Variants in TMEM163 observed in about 807,000 individuals in gnomAD.
TMEM163 encodes the protein transmembrane protein 163.
A neutral mutation model predicts 29.3 loss-of-function variants in TMEM163; 17 were observed. That is an observed-to-expected ratio of 0.58 (90% CI 0.40 to 0.87). The LOEUF is 0.87. Ranked by LOEUF, TMEM163 falls within the 40% of genes least tolerant of loss-of-function variation. The pLI, the probability that TMEM163 is intolerant of heterozygous loss-of-function variation, is 0.00. For missense variants in TMEM163, 303 were observed against 381.5 expected (o/e 0.79, Z 1.71); for synonymous variants, 157 against 160.6 (o/e 0.98, Z 0.17).
At chr2:134,687,781 A>G (rs1684379919) in intron 2 of TMEM163, among the ~76,000 whole-genome samples, 3 of 152,196 alleles carry the variant, frequency 2.0e-5, no homozygotes, top group Admixed American at 2.0e-4. Context: ...TTATCAACCA[A>G]TAATGTAATG....
At chr2:134,674,347 T>TTTA (rs1322226584) in intron 2 of TMEM163, among the ~76,000 whole-genome samples, 1 of 146,770 alleles carries the variant, frequency 6.8e-6, no homozygotes, top group African/African-American at 2.5e-5. Context: ...TTAATTTTTT[T>TTTA]TTTTTTTTTT....
intron 2 of TMEM163, among the ~76,000 whole-genome samples, chr2:134,614,003 A>G (rs1474157816): frequency 1.3e-5 from 2 of 152,146 alleles, no homozygotes; most frequent in Non-Finnish European, 2.9e-5. Context: ...TGAAAGGAAA[A>G]TGTCCCAATA....
intron 2 of TMEM163, among the ~76,000 whole-genome samples, chr2:134,709,402 T>C (rs374748134): frequency 2.6e-5 from 4 of 152,334 alleles, no homozygotes; most frequent in South Asian, 2.1e-4. Context: ...TTTCAAAGCA[T>C]ACTCAAGGCA....
At chr2:134,717,008 A>G (rs186118984) in intron 1 of TMEM163, among the ~76,000 whole-genome samples, 2 of 152,348 alleles carry the variant, frequency 1.3e-5, no homozygotes, top group Non-Finnish European at 2.9e-5. Context: ...TCATGCTATC[A>G]TATAATGGAA....
intron 4 of TMEM163, among the ~76,000 whole-genome samples, chr2:134,527,500 G>A (rs34096919): frequency 0.27 from 40,741 of 152,070 alleles, 5,645 homozygotes; most frequent in Middle Eastern, 0.38. Context: ...CGCTGCTATC[G>A]CTGAGGGTTG....
rs1009710323 is a variant in TMEM163, at chr2:134,645,620, T to G, written c.322+67580A>C. 6.2e-4 allele frequency among the ~76,000 whole-genome samples: 94 copies of G among 152,178 alleles called. 2 individuals carry two copies. Among genetic ancestry groups the G allele is most frequent in the Non-Finnish European group, 1.6e-4 (11 of 68,036 alleles). ...AACAAACTGTGGTATATCCATATAA[T>G]GGAATGCTATGCAAAAATAAACAGG... On this transcript the variant is annotated intron_variant, in intron 2 of 7. Coordinates refer to ENST00000281924, the MANE Select transcript of TMEM163 (RefSeq NM_030923.5).
chr2:134,706,927 T>G (rs368074795), intron 2 of TMEM163, among the ~76,000 whole-genome samples: 1 of 152,192 alleles, frequency 6.6e-6, no homozygotes, highest in Admixed American at 6.5e-5. Flanking sequence ...CCACAGGGTA[T>G]GAAGACAGAA....
chr2:134,620,542 G>A (rs571307396), intron 2 of TMEM163, among the ~76,000 whole-genome samples: 1 of 152,136 alleles, frequency 6.6e-6, no homozygotes, highest in South Asian at 2.1e-4. Context: ...CAGGGGTGAG[G>A]CACCACACCC....
intron 2 of TMEM163, among the ~76,000 whole-genome samples, chr2:134,660,694 T>A (rs1480845030): frequency 6.6e-6 from 1 of 152,144 alleles, no homozygotes; most frequent in Non-Finnish European, 1.5e-5. Context: ...AGTCAGTCCA[T>A]GGCAGAGAGA....
intron 4 of TMEM163, among the ~76,000 whole-genome samples, chr2:134,523,233 T>C (rs532859921): frequency 6.6e-6 from 1 of 151,832 alleles, no homozygotes; most frequent in South Asian, 2.1e-4. Context: ...AGCCTGGGAG[T>C]GGGTCTGCAG....
At chr2:134,628,202 A>G (rs1391795254) in intron 2 of TMEM163, among the ~76,000 whole-genome samples, 1 of 152,264 alleles carries the variant, frequency 6.6e-6, no homozygotes, top group East Asian at 1.9e-4. Context: ...AGAGAAGTTC[A>G]CAAGACAAAA....
intron 4 of TMEM163, among the ~76,000 whole-genome samples, chr2:134,506,340 G>A (rs567475400): frequency 2.0e-5 from 3 of 152,218 alleles, no homozygotes; most frequent in African/African-American, 4.8e-5. Flanking sequence ...CGGAGGGCAC[G>A]GTGCTATTTT....
Position 134,709,075 on chromosome 2 carries a change from T to C in TMEM163, c.322+4125A>G, listed in dbSNP as rs572001222. On this transcript the variant is annotated intron_variant, in intron 2 of 7. Coordinates refer to ENST00000281924, the MANE Select transcript of TMEM163 (RefSeq NM_030923.5). ...TCAAACCTGAAAAACAGAGTCAGAA[T>C]GCATTTTCCTAAATCACTGTAACAA... Among the ~76,000 whole-genome samples the C allele has an allele frequency of 1.4e-4, 22 of 152,352 alleles. No individual in the cohort carries two copies. The South Asian group carries it at 4.6e-3, about 32-fold the overall frequency.
At chr2:134,576,292 C>T (rs767599624) in intron 2 of TMEM163, among the ~76,000 whole-genome samples, 7 of 152,002 alleles carry the variant, frequency 4.6e-5, no homozygotes, top group African/African-American at 7.3e-5. Flanking sequence ...TGGTTTTAGT[C>T]GTGAGACAAG....
intron 2 of TMEM163, among the ~76,000 whole-genome samples, chr2:134,612,693 G>C (rs1198245156): frequency 2.0e-5 from 3 of 151,984 alleles, no homozygotes; most frequent in African/African-American, 7.3e-5. Flanking sequence ...ACACACTATA[G>C]GAAATATAGA....
At chr2:134,459,556 C>T (rs1008850806) in intron 6 of TMEM163, among the ~76,000 whole-genome samples, 15 of 104,810 alleles carry the variant, frequency 1.4e-4, no homozygotes, top group African/African-American at 6.6e-4. Context: ...CACCCCACGC[C>T]TCCCCCATCT....
intron 2 of TMEM163, among the ~76,000 whole-genome samples, chr2:134,624,099 T>C (rs1682796015): frequency 6.6e-6 from 1 of 152,148 alleles, no homozygotes; most frequent in African/African-American, 2.4e-5. Flanking sequence ...CTATAATAAT[T>C]TTCATGAATG....
chr2:134,545,246 C>G (rs1309574142), intron 4 of TMEM163, among the ~76,000 whole-genome samples: 1 of 152,156 alleles, frequency 6.6e-6, no homozygotes, highest in Non-Finnish European at 1.5e-5. Flanking sequence ...CACCCCCAGG[C>G]TCCTCTGTCA....
chr2:134,560,829 T>C (rs1681153598), intron 2 of TMEM163, among the ~76,000 whole-genome samples: 1 of 152,112 alleles, frequency 6.6e-6, no homozygotes, highest in Admixed American at 6.5e-5. Flanking sequence ...TGACCCCCGT[T>C]CCAAAGCAGG....
Sources: allele counts gnomAD v4.1 joint callset (sites outside exome capture counted in the v4.1 genomes callset), GRCh38; gene constraint gnomAD v4.1.1; transcripts MANE v1.5; gene names NCBI Gene and HGNC (gene_info 2026-07-23, HGNC 2026-07-21).